Variants in PCDHGB3 observed in about 807,000 individuals in gnomAD.
PCDHGB3 encodes the protein protocadherin gamma-B3.
PCDHGB3 carries 40 observed loss-of-function variants against 59.2 expected under a neutral mutation model. The ratio of observed to expected loss-of-function variants is 0.68; its 90% CI spans 0.52 to 0.88. The LOEUF is 0.88. Among genes scored for constraint, PCDHGB3 ranks in the 40% least tolerant of loss-of-function variants. The pLI is 0.00. For synonymous variants in PCDHGB3, 581 were observed against 503.6 expected (o/e 1.15, Z -2.06); for missense variants, 1,309 against 1,187.9 (o/e 1.10, Z -1.50).
intron 1 of PCDHGB3, chr5:141,417,501 A>T: frequency 4.4e-6 from 1 of 227,168 alleles, no homozygotes. Flanking sequence ...GAGGAAAAAG[A>T]TTAAAATATT....
At position 141,477,460 on chromosome 5, in the gene PCDHGB3, C is replaced by T; in HGVS notation, c.2416-17347C>T. 6.2e-7 allele frequency: 1 copy of T among 1,614,132 alleles called. No individual in the cohort carries two copies. Among genetic ancestry groups the T allele is most frequent in the Non-Finnish European group, 8.5e-7 (1 of 1,180,020 alleles). On this transcript the variant is annotated intron_variant, in intron 1 of 3. Transcript: ENST00000576222. The surrounding 1 kb of genome is among the most constrained non-coding windows in gnomAD (Gnocchi z 4.9). ...TTACAATAGTGCGTGTTCAAGTGTC[C>T]GACATCAATGACAACCCTCCACAAT...
At chr5:141,459,568 CAG>C (rs930633590) in intron 1 of PCDHGB3, among the ~76,000 whole-genome samples, 1 of 152,152 alleles carries the variant, frequency 6.6e-6, no homozygotes, top group Non-Finnish European at 1.5e-5. Context: ...TACCCCAAAA[CAG>C]AATTGTTTTG....
At position 141,418,010 on chromosome 5, in the gene PCDHGB3, G is replaced by T. The variant is rs185303697; in HGVS notation, c.2415+45201G>T. Reference sequence around the variant, plus strand: ...CAAGGGCTCGGTGGTGGGGAACCTCGCTAAGGATCTAGGGCTTAGTGTCCT... The same window carrying T: ...CAAGGGCTCGGTGGTGGGGAACCTCTCTAAGGATCTAGGGCTTAGTGTCCT... On this transcript the variant is annotated intron_variant, in intron 1 of 3. Coordinates refer to ENST00000576222, the MANE Select transcript of PCDHGB3 (RefSeq NM_018924.5). 2.9e-5 allele frequency: 46 copies of T among 1,613,912 alleles called. No individual in the cohort carries two copies. The Middle Eastern group carries it at 5.0e-4, about 17-fold the overall frequency.
In PCDHGB3 at chr5:141,491,633, C is replaced by T; in HGVS notation, c.2416-3174C>T. Reference sequence around the variant, plus strand: ...CTAAGACCCCTCAGCGTTCAGCAGCCCACAGCTCTGGCGCTGGAGCCTGAC... The same window carrying T: ...CTAAGACCCCTCAGCGTTCAGCAGCTCACAGCTCTGGCGCTGGAGCCTGAC... On this transcript the variant is annotated intron_variant, in intron 1 of 3. Transcript: ENST00000576222. This position sits in a 1 kb window ranked among gnomAD's most constrained non-coding sequence, Gnocchi z 6.9. 2 of 1,613,916 alleles carry T rather than the reference C, an allele frequency of 1.2e-6. No homozygotes were observed.
intron 1 of PCDHGB3, among the ~76,000 whole-genome samples, chr5:141,469,967 C>G (rs2099217411): frequency 6.6e-6 from 1 of 152,124 alleles, no homozygotes; most frequent in Admixed American, 6.6e-5. Flanking sequence ...CCCATCTGTA[C>G]CAAAAATACA....
chr5:141,467,268 G>C lies in PCDHGB3; in HGVS notation c.2416-27539G>C, dbSNP rs1195615721. On this transcript the variant is annotated intron_variant, in intron 1 of 3. Transcript: ENST00000576222. The stretch of plus-strand genomic sequence containing the variant: ...GGGTTTCACCATGTTGGCCAGGCTG[G>C]TCTCGAACTCTTGACCTCAAGTGAT... Among the ~76,000 whole-genome samples, 3 of 152,030 alleles carry C rather than the reference G, an allele frequency of 2.0e-5. No homozygotes were observed. The South Asian group carries it at 6.2e-4, about 32-fold the overall frequency.
intron 1 of PCDHGB3, among the ~76,000 whole-genome samples, chr5:141,474,788 A>G (rs1426105047): frequency 6.6e-6 from 1 of 152,232 alleles, no homozygotes; most frequent in Non-Finnish European, 1.5e-5. Context: ...AACACTTTAC[A>G]TCTAATGGAG....
At position 141,487,488 on chromosome 5, in the gene PCDHGB3, G is replaced by A; in HGVS notation, c.2416-7319G>A. ...GATGTGGGAGGCCACTCTCATGGCT[G>A]TACACCCTTGGCTTCTGCACCCACT... On this transcript the variant is annotated intron_variant, in intron 1 of 3. Transcript: ENST00000576222. This position sits in a 1 kb window ranked among gnomAD's most constrained non-coding sequence, Gnocchi z 5.0. The A allele has an allele frequency of 6.2e-7, 1 of 1,614,204 alleles. No homozygotes were observed. The highest frequency in any genetic ancestry group is 8.5e-7 in the Non-Finnish European group (1 of 1,180,038).
At position 141,432,782 on chromosome 5, in the gene PCDHGB3, C is replaced by G. The variant is rs547164205; in HGVS notation, c.2415+59973C>G. On this transcript the variant is annotated intron_variant, in intron 1 of 3. Transcript: ENST00000576222. The surrounding 1 kb of genome is among the most constrained non-coding windows in gnomAD (Gnocchi z 6.0). ...CAGCATCCCCCAAGTCCTGGCGGACCTCGGCAGCCTCGAGTCTCCAGCTAA... is the reference window on the plus strand; with the variant it reads ...CAGCATCCCCCAAGTCCTGGCGGACGTCGGCAGCCTCGAGTCTCCAGCTAA... 4.3e-6 allele frequency: 7 copies of G among 1,614,046 alleles called. No individual in the cohort carries two copies. The highest frequency in any genetic ancestry group is 3.3e-4 in the Middle Eastern group (2 of 6,084).
chr5:141,501,304 C>T (rs1005430489), intron 2 of PCDHGB3, among the ~76,000 whole-genome samples: 104 of 151,340 alleles, frequency 6.9e-4, no homozygotes, highest in African/African-American at 2.2e-3. Flanking sequence ...CACACACACA[C>T]ACACACACAC....
intron 1 of PCDHGB3, among the ~76,000 whole-genome samples, chr5:141,446,120 T>C (rs2098489182): frequency 6.6e-6 from 1 of 152,196 alleles, no homozygotes; most frequent in Admixed American, 6.5e-5. Flanking sequence ...AGGAAATGGG[T>C]TCAATAAGAC....
At chr5:141,503,502 G>A (rs750139098) in intron 2 of PCDHGB3, among the ~76,000 whole-genome samples, 5 of 151,828 alleles carry the variant, frequency 3.3e-5, no homozygotes, top group Admixed American at 2.0e-4. Context: ...AAGAGGCTGA[G>A]GCAGGAGAAT....
chr5:141,446,623 TGC>T (rs1310809206), intron 1 of PCDHGB3, among the ~76,000 whole-genome samples: 1 of 152,014 alleles, frequency 6.6e-6, no homozygotes, highest in African/African-American at 2.4e-5. Flanking sequence ...ACTACAGGCG[TGC>T]ACCACCACGC....
At chr5:141,412,424 C>G (rs1383441983) in intron 1 of PCDHGB3, 1 of 152,136 alleles carries the variant, frequency 6.6e-6, no homozygotes, top group Non-Finnish European at 1.5e-5. Flanking sequence ...ATGTTTTACA[C>G]AAAAAGGTTA....
At chr5:141,406,331 C>A (rs577134835) in intron 1 of PCDHGB3, among the ~76,000 whole-genome samples, 22 of 152,002 alleles carry the variant, frequency 1.4e-4, no homozygotes, top group Non-Finnish European at 2.8e-4. Context: ...CTTACTCCTA[C>A]GATCATTTAT....
chr5:141,499,689 CTTTTTTTT>C (rs545067566), intron 2 of PCDHGB3, among the ~76,000 whole-genome samples: 2 of 119,856 alleles, frequency 1.7e-5, no homozygotes, highest in Non-Finnish European at 3.5e-5. Flanking sequence ...TAACAGATGA[CTTTTTTTT>C]TTTTTTTTTT....
intron 1 of PCDHGB3, among the ~76,000 whole-genome samples, chr5:141,480,106 A>C (rs1466691134): frequency 6.6e-6 from 1 of 152,196 alleles, no homozygotes; most frequent in Non-Finnish European, 1.5e-5. Context: ...AGTGTTTAGC[A>C]TGGTGCCTGG....
At chr5:141,399,107 G>A in intron 1 of PCDHGB3, 1 of 1,613,794 alleles carries the variant, frequency 6.2e-7, no homozygotes, top group Non-Finnish European at 8.5e-7. Flanking sequence ...GTTGCACAAT[G>A]TACAGTTGAA....
At chr5:141,408,651 C>G (rs373860648) in intron 1 of PCDHGB3, 3 of 1,614,012 alleles carry the variant, frequency 1.9e-6, no homozygotes, top group South Asian at 1.1e-5. Context: ...TCCGCTGGTA[C>G]ACGACTATCG....
Sources: gnomAD v4.1 joint callset for allele counts (sites outside exome capture counted in the v4.1 genomes callset) on GRCh38, gnomAD v4.1.1 for gene constraint, Gnocchi (gnomAD v3.1) non-coding constraint, MANE v1.5 for transcripts, NCBI Gene and HGNC (gene_info 2026-07-23, HGNC 2026-07-21) for gene names.